Variants in ZSWIM5 observed in about 807,000 individuals in gnomAD.
The protein encoded by ZSWIM5 is zinc finger SWIM-type containing 5.
In ZSWIM5, 55 loss-of-function variants were observed where a neutral mutation model predicts 119.6. That is an observed-to-expected ratio of 0.46 (90% CI 0.37 to 0.58). ZSWIM5 has a LOEUF of 0.58. ZSWIM5 is among the 20% of genes least tolerant of loss of function. The pLI is 0.00. For synonymous variants in ZSWIM5, 537 were observed against 606.9 expected (o/e 0.88, Z 1.69); for missense variants, 1,193 against 1,512.8 (o/e 0.79, Z 3.51).
intron 1 of ZSWIM5, among the ~76,000 whole-genome samples, chr1:45,158,843 T>C (rs966776369): frequency 1.5e-4 from 23 of 152,292 alleles, no homozygotes; most frequent in African/African-American, 5.5e-4. Flanking sequence ...TTAGGGCTCC[T>C]GGGAAGAGAT....
At chr1:45,027,099 CCT>C (rs894863496) in intron 11 of ZSWIM5, among the ~76,000 whole-genome samples, 2 of 149,656 alleles carry the variant, frequency 1.3e-5, no homozygotes, top group Non-Finnish European at 3.0e-5. Context: ...ATTTAGATCT[CCT>C]CTTTTTTTTT....
chr1:45,121,004 T>C (rs1046174128), intron 1 of ZSWIM5, among the ~76,000 whole-genome samples: 1 of 151,844 alleles, frequency 6.6e-6, no homozygotes, highest in Non-Finnish European at 1.5e-5. Flanking sequence ...GGCTGGAGTG[T>C]GGTGGCGCGA....
At chr1:45,183,603 A>AG (rs1274692774) in intron 1 of ZSWIM5, among the ~76,000 whole-genome samples, 1 of 152,270 alleles carries the variant, frequency 6.6e-6, no homozygotes, top group Non-Finnish European at 1.5e-5. Context: ...ACCTACCATC[A>AG]GAGAATACTA....
intron 1 of ZSWIM5, among the ~76,000 whole-genome samples, chr1:45,109,089 C>T (rs1006502093): frequency 2.6e-5 from 4 of 152,172 alleles, no homozygotes; most frequent in Admixed American, 6.6e-5. Flanking sequence ...GCAACTTGAC[C>T]TGTATGGGGC....
At chr1:45,095,236 T>C (rs1645393248) in intron 1 of ZSWIM5, among the ~76,000 whole-genome samples, 1 of 151,948 alleles carries the variant, frequency 6.6e-6, no homozygotes. Flanking sequence ...CAAGTGAACC[T>C]CCCACCTCAG....
intron 2 of ZSWIM5, among the ~76,000 whole-genome samples, chr1:45,082,400 C>T (rs138273334): frequency 6.6e-6 from 1 of 151,856 alleles, no homozygotes; most frequent in East Asian, 1.9e-4. Flanking sequence ...AATCTATCTT[C>T]CTCCTAAATT....
intron 11 of ZSWIM5, among the ~76,000 whole-genome samples, chr1:45,033,376 C>T (rs1482046792): frequency 1.3e-5 from 2 of 152,000 alleles, no homozygotes; most frequent in Non-Finnish European, 2.9e-5. Context: ...TAAGAAGATA[C>T]CACATAAAGT....
Position 45,019,232 on chromosome 1 carries a change from G to C in ZSWIM5, c.2780C>G (p.Ala927Gly). 1 of 1,613,726 alleles carries C rather than the reference G, an allele frequency of 6.2e-7. No individual in the cohort carries two copies. Among genetic ancestry groups the C allele is most frequent in the Non-Finnish European group, 8.5e-7 (1 of 1,180,028 alleles). The stretch of plus-strand genomic sequence containing the variant: ...GCGCAGGATAGTGGTGTGGGATACG[G>C]CTGTGGCAGCTACAATACTAGTAGC... ...TEATSIVAAT[A>G]VSHTTILRLS... Residue 927 changes from alanine (A) to glycine (G), a missense_variant, in exon 14 of 14, where the codon GCC (alanine) becomes GGC (glycine). Ala to Gly is a moderately conservative substitution (Grantham distance 60). Transcript: ENST00000359600. This position sits in a 1 kb window ranked among gnomAD's most constrained non-coding sequence, Gnocchi z 5.0.
At chr1:45,118,504 T>C (rs1400810514) in intron 1 of ZSWIM5, among the ~76,000 whole-genome samples, 1 of 152,098 alleles carries the variant, frequency 6.6e-6, no homozygotes, top group Admixed American at 6.5e-5. Context: ...TACTTCGGGA[T>C]ACCGAGGCAG....
At chr1:45,149,283 A>G (rs1645781745) in intron 1 of ZSWIM5, among the ~76,000 whole-genome samples, 1 of 152,228 alleles carries the variant, frequency 6.6e-6, no homozygotes, top group Non-Finnish European at 1.5e-5. Flanking sequence ...AAGAAAAACA[A>G]AAACATGATT....
chr1:45,124,557 CAG>C (rs927865489), intron 1 of ZSWIM5, among the ~76,000 whole-genome samples: 11 of 151,724 alleles, frequency 7.3e-5, no homozygotes, highest in African/African-American at 2.4e-4. Context: ...CAAAAGAAAA[CAG>C]AAACAGAAAT....
At chr1:45,145,826 T>C (rs1173457332) in intron 1 of ZSWIM5, among the ~76,000 whole-genome samples, 1 of 152,106 alleles carries the variant, frequency 6.6e-6, no homozygotes, top group Non-Finnish European at 1.5e-5. Flanking sequence ...ATACTATCTA[T>C]TTTTAGATTT....
intron 1 of ZSWIM5, among the ~76,000 whole-genome samples, chr1:45,168,572 G>C (rs577048498): frequency 7.3e-4 from 110 of 150,124 alleles, no homozygotes; most frequent in African/African-American, 2.6e-3. Context: ...GGCTGAGGCA[G>C]GACAATCGCT....
intron 1 of ZSWIM5, among the ~76,000 whole-genome samples, chr1:45,126,590 G>T (rs1286923640): frequency 1.3e-5 from 2 of 151,964 alleles, no homozygotes; most frequent in Non-Finnish European, 2.9e-5. Context: ...TTTTACTGGA[G>T]AATCCTACCA....
At chr1:45,058,047 G>A (rs544880442) in intron 4 of ZSWIM5, among the ~76,000 whole-genome samples, 1 of 152,264 alleles carries the variant, frequency 6.6e-6, no homozygotes, top group South Asian at 2.1e-4. Context: ...GTTCATTTTT[G>A]ATTTCTCATT....
intron 2 of ZSWIM5, among the ~76,000 whole-genome samples, chr1:45,080,965 A>G (rs1645286230): frequency 1.3e-5 from 2 of 152,158 alleles, no homozygotes; most frequent in South Asian, 4.1e-4. Flanking sequence ...GGAAGTAGGG[A>G]GCAGAGCAAA....
chr1:45,089,235 G>A (rs1236409694), intron 1 of ZSWIM5, among the ~76,000 whole-genome samples: 3 of 152,144 alleles, frequency 2.0e-5, no homozygotes, highest in African/African-American at 7.2e-5. Flanking sequence ...CTTTGGCTCA[G>A]CCTCCCAAAG....
At chr1:45,132,986 G>A (rs1425363368) in intron 1 of ZSWIM5, among the ~76,000 whole-genome samples, 2 of 152,118 alleles carry the variant, frequency 1.3e-5, no homozygotes, top group African/African-American at 4.8e-5. Context: ...GTGTATATGT[G>A]CCACATTTTC....
chr1:45,047,663 C>T (rs1015119434), intron 5 of ZSWIM5, among the ~76,000 whole-genome samples: 1 of 152,068 alleles, frequency 6.6e-6, no homozygotes, highest in African/African-American at 2.4e-5. Flanking sequence ...TTGAGAACAA[C>T]TGGAGGGCTT....
Sources: gnomAD v4.1 joint callset for allele counts (sites outside exome capture counted in the v4.1 genomes callset) on GRCh38, gnomAD v4.1.1 for gene constraint, Gnocchi (gnomAD v3.1) non-coding constraint, MANE v1.5 for transcripts, NCBI Gene and HGNC (gene_info 2026-07-23, HGNC 2026-07-21) for gene names.